The following NALF1 variants were observed in gnomAD, a reference collection of about 807,000 sequenced individuals.
The protein encoded by NALF1 is NALCN channel auxiliary factor 1.
A neutral mutation model predicts 48.4 loss-of-function variants in NALF1; 3 were observed. The observed-to-expected ratio is 0.06, with a 90% CI of 0.03 to 0.16. The LOEUF (loss-of-function observed/expected upper bound fraction) is 0.16. Among genes scored for constraint, NALF1 ranks in the 10% least tolerant of loss-of-function variants. NALF1 has a pLI of 1.00. For synonymous variants in NALF1, 262 were observed against 245.7 expected (o/e 1.07, Z -0.62); for missense variants, 526 against 571.5 (o/e 0.92, Z 0.81).
chr13:107,860,991 C>T (rs978082752), intron 1 of NALF1, among the ~76,000 whole-genome samples: 9 of 152,168 alleles, frequency 5.9e-5, no homozygotes, highest in Non-Finnish European at 1.3e-4. Context: ...TATGTAGCCA[C>T]TAGTTTGACC....
chr13:107,510,953 C>T (rs1875868627), intron 1 of NALF1, among the ~76,000 whole-genome samples: 1 of 152,148 alleles, frequency 6.6e-6, no homozygotes, highest in South Asian at 2.1e-4. Context: ...TTCCCACGCC[C>T]ATCCTATGTT....
chr13:107,800,383 A>G (rs538888108), intron 1 of NALF1, among the ~76,000 whole-genome samples: 167 of 152,044 alleles, frequency 1.1e-3, no homozygotes, highest in African/African-American at 3.8e-3. Context: ...GAGTTCTGTC[A>G]TGATTTACAC....
At chr13:107,338,978 A>G (rs1267334302) in intron 1 of NALF1, among the ~76,000 whole-genome samples, 1 of 151,620 alleles carries the variant, frequency 6.6e-6, no homozygotes, top group East Asian at 1.9e-4. Context: ...TAAAAATACA[A>G]AAAAAATTAG....
At chr13:107,794,323 T>G (rs554822825) in intron 1 of NALF1, among the ~76,000 whole-genome samples, 7 of 152,276 alleles carry the variant, frequency 4.6e-5, no homozygotes, top group Non-Finnish European at 1.0e-4. Context: ...CCTGTAGGCT[T>G]TTGACTTGTC....
At chr13:107,494,159 T>C (rs1875245290) in intron 1 of NALF1, among the ~76,000 whole-genome samples, 1 of 138,594 alleles carries the variant, frequency 7.2e-6, no homozygotes, top group Admixed American at 6.8e-5. Flanking sequence ...AAAATATTCA[T>C]ACAGGACCAA....
In NALF1 at chr13:107,165,370, C is replaced by T. The variant is rs1878637505; in HGVS notation, c.*5127G>A. On this transcript the variant is annotated 3_prime_UTR_variant, in exon 3 of 3. Coordinates refer to ENST00000375915, the MANE Select transcript of NALF1 (RefSeq NM_001080396.3). ...GTGTGTCTGAGACCTAGGGATCCCA[C>T]TGTGCCTCGGAGCCAGCTTGTGTAA... 2 of 152,186 alleles carry T rather than the reference C, an allele frequency of 1.3e-5. No individual in the cohort carries two copies. The highest frequency in any genetic ancestry group is 1.3e-4 in the Admixed American group (2 of 15,274). The allele number at this position is 152,186 out of a possible 1,614,324, so 9.4% of individuals were successfully genotyped here.
chr13:107,233,086 G>A (rs774475392), intron 1 of NALF1, among the ~76,000 whole-genome samples: 36 of 151,892 alleles, frequency 2.4e-4, no homozygotes, highest in Non-Finnish European at 3.4e-4. Context: ...GGTTGAAGGG[G>A]AAGCTTTTAA....
intron 1 of NALF1, among the ~76,000 whole-genome samples, chr13:107,605,768 T>C (rs1879049725): frequency 6.6e-6 from 1 of 152,202 alleles, no homozygotes; most frequent in African/African-American, 2.4e-5. Context: ...CTCAAGTCCC[T>C]GCTGCTGGGA....
Position 107,170,121 on chromosome 13 carries a change from TAGAGAG to T in NALF1, c.*370_*375del. On this transcript the variant is annotated 3_prime_UTR_variant, in exon 3 of 3. Transcript: ENST00000375915. ...AACACACACAATGACTAGAAATATA[TAGAGAG>T]ATAGAGACAGTGAAAAGACTTAGTT... The T allele has an allele frequency of 5.6e-6, 1 of 180,160 alleles. No homozygotes were observed. The highest frequency in any genetic ancestry group is 1.2e-5 in the Non-Finnish European group (1 of 83,776). 11.2% of individuals were successfully genotyped at this position (180,160 alleles called of 1,614,324 possible).
intron 1 of NALF1, among the ~76,000 whole-genome samples, chr13:107,699,761 T>C (rs1483065818): frequency 6.6e-6 from 1 of 152,078 alleles, no homozygotes; most frequent in Non-Finnish European, 1.5e-5. Flanking sequence ...ATTCCATATG[T>C]AGAAAACCCC....
chr13:107,325,877 TATATATATATACAC>T (rs1566485806), intron 1 of NALF1, among the ~76,000 whole-genome samples: 2 of 102,974 alleles, frequency 1.9e-5, no homozygotes, highest in African/African-American at 6.3e-5. Flanking sequence ...TATATATATA[TATATATATATACAC>T]ACACACACAC....
At chr13:107,486,086 C>T (rs886723422) in intron 1 of NALF1, among the ~76,000 whole-genome samples, 1 of 152,166 alleles carries the variant, frequency 6.6e-6, no homozygotes, top group Non-Finnish European at 1.5e-5. Context: ...ATCCTACAAG[C>T]CTACAAATTT....
intron 1 of NALF1, among the ~76,000 whole-genome samples, chr13:107,492,838 C>T (rs778961242): frequency 1.3e-5 from 2 of 152,110 alleles, no homozygotes; most frequent in Non-Finnish European, 2.9e-5. Context: ...AGGAAAAAAA[C>T]GTACACAATT....
At chr13:107,776,994 A>AG (rs939961272) in intron 1 of NALF1, among the ~76,000 whole-genome samples, 3 of 151,990 alleles carry the variant, frequency 2.0e-5, no homozygotes, top group East Asian at 1.9e-4. Context: ...TGGGAGACTG[A>AG]GGGGGGGAAG....
chr13:107,518,550 G>C (rs1449594175), intron 1 of NALF1, among the ~76,000 whole-genome samples: 1 of 152,162 alleles, frequency 6.6e-6, no homozygotes, highest in African/African-American at 2.4e-5. Flanking sequence ...TTATGTGTCA[G>C]TCAATTTTCT....
intron 1 of NALF1, among the ~76,000 whole-genome samples, chr13:107,790,112 T>G (rs1384238163): frequency 6.6e-6 from 1 of 152,124 alleles, no homozygotes; most frequent in Non-Finnish European, 1.5e-5. Context: ...ACTAGAGTGG[T>G]TCAGACATAA....
intron 1 of NALF1, among the ~76,000 whole-genome samples, chr13:107,692,677 A>G (rs1227967205): frequency 6.6e-6 from 1 of 152,178 alleles, no homozygotes; most frequent in Non-Finnish European, 1.5e-5. Flanking sequence ...TATGCATTAT[A>G]AGTAAAAATT....
chr13:107,566,711 T>A (rs1156403733), intron 1 of NALF1, among the ~76,000 whole-genome samples: 1 of 152,246 alleles, frequency 6.6e-6, no homozygotes, highest in Non-Finnish European at 1.5e-5. Flanking sequence ...TAATCCTTTC[T>A]AACGAATGAT....
chr13:107,428,043 G>A (rs1183299579), intron 1 of NALF1, among the ~76,000 whole-genome samples: 5 of 152,146 alleles, frequency 3.3e-5, no homozygotes, highest in Admixed American at 2.6e-4. Flanking sequence ...GAGGGAAGAA[G>A]CAATTGAAAT....
Sources: allele counts gnomAD v4.1 joint callset (sites outside exome capture counted in the v4.1 genomes callset), GRCh38; gene constraint gnomAD v4.1.1; transcripts MANE v1.5; gene names NCBI Gene and HGNC (gene_info 2026-07-23, HGNC 2026-07-21).